The following UBR4 variants were observed in gnomAD, a reference collection of about 807,000 sequenced individuals.
UBR4 encodes the protein E3 ubiquitin-protein ligase UBR4.
Under a neutral mutation model 575.6 loss-of-function variants are expected in UBR4, and 124 were observed. The ratio of observed to expected loss-of-function variants is 0.22; its 90% CI spans 0.19 to 0.25. The LOEUF is 0.25. Ranked by LOEUF, UBR4 falls within the 10% of genes least tolerant of loss-of-function variation. The pLI, the probability that UBR4 is intolerant of heterozygous loss-of-function variation, is 1.00. For synonymous variants in UBR4, 2,455 were observed against 2,473.7 expected (o/e 0.99, Z 0.22); for missense variants, 4,818 against 6,478.8 (o/e 0.74, Z 8.80).
Position 19,176,620 on chromosome 1 carries a change from T to C in UBR4, c.2745A>G (p.Glu915=). 3 of 1,613,986 alleles carry C rather than the reference T, an allele frequency of 1.9e-6. No individual in the cohort carries two copies. Among genetic ancestry groups the C allele is most frequent in the Non-Finnish European group, 2.5e-6 (3 of 1,180,002 alleles). ...ATGAGAAATGCTTAGACCAGTTTTC[T>C]TCTACTTCTTTGAATCCATGATAGA... ...TPLYHGFKEV[E]ENWSKHFSSD... The change falls in exon 20 of 106, where the codon GAA becomes GAG. Residue 915 remains glutamate, a synonymous_variant. Transcript: ENST00000375254.
At chr1:19,197,050 TGAGTA>T (rs1305864264) in intron 8 of UBR4, 86 bp downstream of exon 8, 43 of 1,466,448 alleles carry the variant, frequency 2.9e-5, no homozygotes, top group Non-Finnish European at 3.7e-5. Flanking sequence ...GCAAGGGGGA[TGAGTA>T]GAGTATTCAG....
rs2079268886 is a variant in UBR4, at chr1:19,106,953, T to C, written c.12119A>G (p.Glu4040Gly). ...TSKKNKDVPV[E>G]ALTTVKPYCN... The stretch of plus-strand genomic sequence containing the variant: ...GTATGGCTTCACCGTGGTGAGGGCC[T>C]CAACGGGGACATCCTGGAGGAGGCA... The change falls in exon 82 of 106, where the codon GAG becomes GGG. Residue 4040 changes from glutamate (E) to glycine (G), a missense_variant. Physicochemically the swap from Glu to Gly is moderately conservative, Grantham distance 98. Around this residue, in one of 29 missense-constraint regions of UBR4, gnomAD observed 333 missense variants for 459.2 expected, o/e 0.73. Coordinates refer to ENST00000375254, the MANE Select transcript of UBR4 (RefSeq NM_020765.3). 2 of 1,612,222 alleles carry C rather than the reference T, an allele frequency of 1.2e-6. No homozygotes were observed. The highest frequency in any genetic ancestry group is 1.7e-6 in the Non-Finnish European group (2 of 1,179,934).
rs368814743 is a variant in UBR4 at position 19,118,934 on chromosome 1, A to G, written c.10479T>C (p.Ala3493=). Residue 3493 remains alanine, a synonymous_variant, in exon 71 of 106, where the codon GCT becomes GCC. Coordinates refer to ENST00000375254, the MANE Select transcript of UBR4 (RefSeq NM_020765.3). The part of the protein sequence containing the change: ...EKKLKEYSQK[A]VEILRTQNHI... ...GGTTTTGAGTCCGCAGAATCTCCAC[A>G]GCCTTCTGTGAATACTCCTTCAACT... The G allele has an allele frequency of 1.2e-6, 2 of 1,614,082 alleles. No homozygotes were observed. Among genetic ancestry groups the G allele is most frequent in the African/African-American group, 2.7e-5 (2 of 74,940 alleles).
At chr1:19,124,772 C>A in intron 64 of UBR4, 82 bp from the exon 65 acceptor site, 1 of 1,539,708 alleles carries the variant, frequency 6.5e-7, no homozygotes, top group Non-Finnish European at 8.8e-7. Flanking sequence ...GCTCATTAGA[C>A]GTATTACATG....
rs11585940 is a variant in UBR4, at chr1:19,157,350, A to T, written c.5761-425T>A. 3.0e-3 allele frequency among the ~76,000 whole-genome samples: 457 copies of T among 152,260 alleles called. 2 individuals carry two copies. Among genetic ancestry groups the T allele is most frequent in the African/African-American group, 0.011 (445 of 41,540 alleles). On this transcript the variant is annotated intron_variant, in intron 40 of 105. Coordinates refer to ENST00000375254, the MANE Select transcript of UBR4 (RefSeq NM_020765.3). The surrounding 1 kb of genome is among the most constrained non-coding windows in gnomAD (Gnocchi z 4.4). ...AAAAGTGTGAGTTAAGATACCTAGC[A>T]CTCTTCCAACTTCTACTAGCTCTAT...
At chr1:19,170,251 T>C (rs2089297510) in intron 26 of UBR4, among the ~76,000 whole-genome samples, 1 of 152,136 alleles carries the variant, frequency 6.6e-6, no homozygotes, top group South Asian at 2.1e-4. Flanking sequence ...ATTTAAAAAT[T>C]ATACGGGTAT....
At position 19,126,626 on chromosome 1, in the gene UBR4, T is replaced by C. The variant is rs768507475; in HGVS notation, c.9258A>G (p.Ala3086=). The change falls in exon 64 of 106, where the codon GCA becomes GCG. Residue 3086 remains alanine, a synonymous_variant. Transcript: ENST00000375254. ...CAGCCCCAGAGCTCAGTAGAGCTGCTGCTGTGGCACTGGAGATGAGGGAAG... is the reference window on the plus strand; with the variant it reads ...CAGCCCCAGAGCTCAGTAGAGCTGCCGCTGTGGCACTGGAGATGAGGGAAG... ...ESSSLISSAT[A]AALLSSGAVD... The C allele has an allele frequency of 4.3e-6, 7 of 1,613,818 alleles. No homozygotes were observed. The highest frequency in any genetic ancestry group is 5.9e-6 in the Non-Finnish European group (7 of 1,179,998).
intron 11 of UBR4, among the ~76,000 whole-genome samples, chr1:19,190,312 A>AAAAAAAAAAAGATATATATAT: frequency 1.3e-5 from 1 of 79,922 alleles, no homozygotes; most frequent in Non-Finnish European, 2.3e-5. Flanking sequence ...AAAAAAAAAA[A>AAAAAAAAAAAGATATATATAT]ATATATATAT....
intron 51 of UBR4, 55 bp from the exon 52 acceptor site, chr1:19,147,055 A>G (rs183624102): frequency 5.4e-5 from 81 of 1,503,420 alleles, no homozygotes; most frequent in Non-Finnish European, 6.7e-5. Flanking sequence ...TGGGTACAAA[A>G]GCAAAGAGGA....
At chr1:19,203,090 AAAAG>A (rs897826754) in intron 1 of UBR4, among the ~76,000 whole-genome samples, 9 of 152,008 alleles carry the variant, frequency 5.9e-5, no homozygotes, top group African/African-American at 2.2e-4. Flanking sequence ...GAGAAAAAAA[AAAAG>A]AAAGAAACAT....
chr1:19,109,857 C>A (rs1375701120), intron 81 of UBR4, among the ~76,000 whole-genome samples: 4 of 152,262 alleles, frequency 2.6e-5, no homozygotes, highest in Non-Finnish European at 2.9e-5. Context: ...AAGAGTTCAT[C>A]CTTCACAGCT....
At position 19,150,516 on chromosome 1, in the gene UBR4, G is replaced by A. The variant is rs541188516; in HGVS notation, c.7430+61C>T. The A allele has an allele frequency of 3.1e-4, 487 of 1,558,690 alleles. 1 individual carries two copies. The African/African-American group carries it at 6.2e-3, about 20-fold the overall frequency. On this transcript the variant is annotated intron_variant, in intron 49 of 105. Coordinates refer to ENST00000375254, the MANE Select transcript of UBR4 (RefSeq NM_020765.3). Reference sequence around the variant, plus strand: ...AGAAGCTGGCTCTCTCAAGACACAGGAAGGTTCTGCAGTGAGTGGAATATG... The same window carrying A: ...AGAAGCTGGCTCTCTCAAGACACAGAAAGGTTCTGCAGTGAGTGGAATATG...
chr1:19,119,632 G>C lies in UBR4; in HGVS notation c.10380C>G (p.Ala3460=). 1.9e-6 allele frequency: 3 copies of C among 1,614,108 alleles called. No homozygotes were observed. The highest frequency in any genetic ancestry group is 2.5e-6 in the Non-Finnish European group (3 of 1,179,964). The stretch of plus-strand genomic sequence containing the variant: ...CAAACTGGGCAGCCTTACGACCATA[G>C]GCTGGGAGTTCTGGCCAGATGGACC... The part of the protein sequence containing the change: ...LMWSIWPELP[A]YGRKAAQFVD... The change falls in exon 70 of 106, where the codon GCC becomes GCG. Residue 3460 remains alanine, a synonymous_variant. Coordinates refer to ENST00000375254, the MANE Select transcript of UBR4 (RefSeq NM_020765.3).
Position 19,168,019 on chromosome 1 carries a change from G to A in UBR4, c.3899+8C>T, listed in dbSNP as rs1445335513. 2.5e-6 allele frequency: 4 copies of A among 1,608,976 alleles called. No homozygotes were observed. The highest frequency in any genetic ancestry group is 3.4e-6 in the Non-Finnish European group (4 of 1,176,696). On this transcript the variant is annotated splice_region_variant and intron_variant, in intron 28 of 105. Coordinates refer to ENST00000375254, the MANE Select transcript of UBR4 (RefSeq NM_020765.3). ...TAGAGTCCTTGGGGCTAGGTAGTAGGTACTTACACAATAAGATCTCCAGTC... is the reference window on the plus strand; with the variant it reads ...TAGAGTCCTTGGGGCTAGGTAGTAGATACTTACACAATAAGATCTCCAGTC...
At chr1:19,120,116 G>A in intron 69 of UBR4, 64 bp downstream of exon 69, 1 of 1,566,920 alleles carries the variant, frequency 6.4e-7, no homozygotes, top group Non-Finnish European at 8.7e-7. Context: ...AAACAAAATA[G>A]AACTGCATTA....
chr1:19,136,464 G>A (rs1240425382), intron 60 of UBR4, among the ~76,000 whole-genome samples: 1 of 152,114 alleles, frequency 6.6e-6, no homozygotes, highest in Non-Finnish European at 1.5e-5. Flanking sequence ...AAAATGCATA[G>A]TATAACCACT....
At chr1:19,149,040 T>C (rs1376928760) in intron 49 of UBR4, among the ~76,000 whole-genome samples, 1 of 152,198 alleles carries the variant, frequency 6.6e-6, no homozygotes, top group African/African-American at 2.4e-5. Context: ...CCTCTTATAT[T>C]GGAAAGTTTA....
rs1485104577 is a variant in UBR4, at chr1:19,095,005, T to C, written c.13647A>G (p.Glu4549=). 1.2e-6 allele frequency: 2 copies of C among 1,614,184 alleles called. No individual in the cohort carries two copies. Among genetic ancestry groups the C allele is most frequent in the Non-Finnish European group, 1.7e-6 (2 of 1,180,024 alleles). ...CAGCTGCACCCCCACTGTCCTTGCT[T>C]TCTTGTTCAGCTACAAGGGCCTGTA... ...TLNLALVAEQ[E]SKDSGGAAVA... The change falls in exon 94 of 106, where the codon GAA becomes GAG. Residue 4549 remains glutamate, a synonymous_variant. Coordinates refer to ENST00000375254, the MANE Select transcript of UBR4 (RefSeq NM_020765.3).
intron 83 of UBR4, 105 bp downstream of exon 83, chr1:19,106,464 A>G: frequency 7.2e-7 from 1 of 1,379,992 alleles, no homozygotes; most frequent in Non-Finnish European, 9.6e-7. Flanking sequence ...GAGCAAAGAG[A>G]AAGAAGAGAT....
Sources: allele counts gnomAD v4.1 joint callset (sites outside exome capture counted in the v4.1 genomes callset), GRCh38; gene constraint gnomAD v4.1.1; regional missense constraint gnomAD v4.1.1; non-coding constraint Gnocchi (gnomAD v3.1); transcripts MANE v1.5; gene names NCBI Gene and HGNC (gene_info 2026-07-23, HGNC 2026-07-21).